FUOM: variants seen among roughly 807,000 people sequenced by gnomAD.
FUOM encodes protein fucU homolog.
In FUOM, 19 loss-of-function variants were observed where a neutral mutation model predicts 18.3. The observed-to-expected ratio is 1.04, with a 90% CI of 0.73 to 1.53. FUOM has a LOEUF of 1.53. Ranked by LOEUF, FUOM falls within the 40% of genes most tolerant of loss-of-function variation. FUOM has a pLI of 0.00. For missense variants in FUOM, 210 were observed against 200.9 expected (o/e 1.04, Z -0.27); for synonymous variants, 102 against 87.9 (o/e 1.16, Z -0.90).
chr10:133,357,894 T>A, intron 1 of FUOM, 29 bp downstream of exon 1: 1 of 1,505,294 alleles, frequency 6.6e-7, no homozygotes. Context: ...CCCGGGGTGC[T>A]CCCCGAGGCC....
At chr10:133,353,419 A>G (rs1848714700), downstream of FUOM, among the ~76,000 whole-genome samples, 1 of 152,112 alleles carries the variant, frequency 6.6e-6, no homozygotes, top group African/African-American at 2.4e-5. Flanking sequence ...TCTCATCCCT[A>G]TGGTGAGAGA....
At chr10:133,357,850 G>C in intron 1 of FUOM, 73 bp downstream of exon 1, 1 of 1,326,816 alleles carries the variant, frequency 7.5e-7, no homozygotes, top group Non-Finnish European at 1.0e-6. Flanking sequence ...TCCCGGCCCG[G>C]GGGTCCCCGT....
chr10:133,357,333 T>G (rs997509417), intron 1 of FUOM, 78 bp from the exon 2 acceptor site: 29 of 1,398,036 alleles, frequency 2.1e-5, no homozygotes, highest in African/African-American at 2.9e-5. Flanking sequence ...TCCCACCCAG[T>G]CATGGCGGCA....
In FUOM at chr10:133,355,559, TG is replaced by T. The variant is rs1355600057; in HGVS notation, c.399-124del. On this transcript the variant is annotated intron_variant, in intron 5 of 5. Coordinates refer to ENST00000278025, the MANE Select transcript of FUOM (RefSeq NM_001098483.3). Reference sequence around the variant, plus strand: ...TTCACCCACTTGATGCTCAGGCAAATGGGGGCCCTGCCCCCCCGAAATTCCT... The same window carrying T: ...TTCACCCACTTGATGCTCAGGCAAATGGGGCCCTGCCCCCCCGAAATTCCT... 1.9e-6 allele frequency: 3 copies of T among 1,609,622 alleles called. No individual in the cohort carries two copies. The East Asian group carries it at 6.7e-5, about 36-fold the overall frequency.
chr10:133,355,663 G>GC lies in FUOM; in HGVS notation c.398+74dup. The stretch of plus-strand genomic sequence containing the variant: ...GAAGAGGGTAGGGGCAGCTCCTGAG[G>GC]CCCCCCGGTGGGGATGGGGGCAGCT... On this transcript the variant is annotated intron_variant, in intron 5 of 5. Coordinates refer to ENST00000278025, the MANE Select transcript of FUOM (RefSeq NM_001098483.3). 5.1e-6 allele frequency: 8 copies of GC among 1,555,362 alleles called. 1 individual carries two copies. The South Asian group carries it at 7.8e-5, about 15-fold the overall frequency.
chr10:133,356,936 C>A lies in FUOM; in HGVS notation c.225+7G>T. On this transcript the variant is annotated splice_region_variant and intron_variant, in intron 3 of 5. Coordinates refer to ENST00000278025, the MANE Select transcript of FUOM (RefSeq NM_001098483.3). ...GCAGCAGGGTGCAGGGGCGACTCAG[C>A]CCTCACCGGACTCTCCACATAGGTG... The A allele has an allele frequency of 6.5e-7, 1 of 1,550,008 alleles. No homozygotes were observed. The highest frequency in any genetic ancestry group is 8.7e-7 in the Non-Finnish European group (1 of 1,146,734).
chr10:133,352,988 T>C (rs866083896), downstream of FUOM, among the ~76,000 whole-genome samples: 2 of 152,024 alleles, frequency 1.3e-5, no homozygotes, highest in Non-Finnish European at 1.5e-5. Flanking sequence ...CCCCAGGCCC[T>C]CCTCCTTGTA....
At chr10:133,355,527 G>A in intron 5 of FUOM, 91 bp from the exon 6 acceptor site, 1 of 1,607,786 alleles carries the variant, frequency 6.2e-7, no homozygotes. Flanking sequence ...AGCAGACCCT[G>A]TCCACCTTCA....
At position 133,355,233 on chromosome 10, in the gene FUOM, C is replaced by T. The variant is rs973545288; in HGVS notation, c.*137G>A. ...ACTCGTCCCAATTGGCAGGGCCCACCCCAAGACTGCCGGCCCCTAGAGCCC... is the reference window on the plus strand; with the variant it reads ...ACTCGTCCCAATTGGCAGGGCCCACTCCAAGACTGCCGGCCCCTAGAGCCC... On this transcript the variant is annotated 3_prime_UTR_variant, in exon 6 of 6. Transcript: ENST00000278025. The T allele has an allele frequency of 4.2e-6, 4 of 949,910 alleles. No homozygotes were observed. The highest frequency in any genetic ancestry group is 6.1e-6 in the Non-Finnish European group (4 of 655,028). 58.8% of individuals were successfully genotyped at this position (949,910 alleles called of 1,614,324 possible).
chr10:133,357,339 C>T (rs1232139031), intron 1 of FUOM, 84 bp from the exon 2 acceptor site: 5 of 1,369,246 alleles, frequency 3.7e-6, no homozygotes, highest in Non-Finnish European at 5.1e-6. Context: ...CCAGTCATGG[C>T]GGCAGATCGT....
At chr10:133,357,699 G>A (rs1848855351) in intron 1 of FUOM, 2 of 525,240 alleles carry the variant, frequency 3.8e-6, no homozygotes, top group East Asian at 3.5e-5. Context: ...GGCCGTCTGG[G>A]GAGGGACTCC....
intron 1 of FUOM, 167 bp downstream of exon 1, chr10:133,357,756 T>G: frequency 1.8e-6 from 1 of 555,566 alleles, no homozygotes; most frequent in South Asian, 2.2e-5. Context: ...GAGGTCTCAG[T>G]TCCCTAAAGA....
chr10:133,355,549 C>A, intron 5 of FUOM, 113 bp from the exon 6 acceptor site: 1 of 1,610,132 alleles, frequency 6.2e-7, no homozygotes, highest in Non-Finnish European at 8.5e-7. Context: ...CCACTTGATG[C>A]TCAGGCAAAT....
chr10:133,357,451 C>A, intron 1 of FUOM, 196 bp from the exon 2 acceptor site: 1 of 639,350 alleles, frequency 1.6e-6, no homozygotes. Flanking sequence ...GTGGGGAGGG[C>A]AAGGTCCCTG....
chr10:133,357,450 G>A, intron 1 of FUOM, 195 bp from the exon 2 acceptor site: 1 of 640,118 alleles, frequency 1.6e-6, no homozygotes, highest in Non-Finnish European at 2.9e-6. Flanking sequence ...GGTGGGGAGG[G>A]CAAGGTCCCT....
downstream of FUOM, among the ~76,000 whole-genome samples, chr10:133,353,260 G>A (rs1023430383): frequency 1.3e-5 from 2 of 152,202 alleles, no homozygotes; most frequent in Non-Finnish European, 2.9e-5. Flanking sequence ...CCCTCCTGAC[G>A]TTCTGTGCAG....
chr10:133,353,019 T>C (rs1848708271), downstream of FUOM, among the ~76,000 whole-genome samples: 1 of 152,078 alleles, frequency 6.6e-6, no homozygotes, highest in Non-Finnish European at 1.5e-5. Flanking sequence ...GTGAGGGGTG[T>C]GGCAGCAGTT....
At chr10:133,354,019 G>GT (rs1228451659), downstream of FUOM, among the ~76,000 whole-genome samples, 6 of 147,422 alleles carry the variant, frequency 4.1e-5, no homozygotes, top group Admixed American at 1.4e-4. Context: ...CCATTACTTT[G>GT]TTTTTTCTCG....
At chr10:133,357,531 C>A in intron 1 of FUOM, 1 of 527,956 alleles carries the variant, frequency 1.9e-6, no homozygotes, top group South Asian at 2.2e-5. Flanking sequence ...AGGGGGCCGA[C>A]CCGGACCCGG....
Sources: allele counts gnomAD v4.1 joint callset (sites outside exome capture counted in the v4.1 genomes callset), GRCh38; gene constraint gnomAD v4.1.1; transcripts MANE v1.5; gene names NCBI Gene and HGNC (gene_info 2026-07-23, HGNC 2026-07-21).